The following RHOBTB2 variants were observed in gnomAD, a reference collection of about 807,000 sequenced individuals.
RHOBTB2 encodes Rho related BTB domain containing 2.
A neutral mutation model predicts 66.5 loss-of-function variants in RHOBTB2; 39 were observed. That is an observed-to-expected ratio of 0.59 (90% confidence interval 0.45 to 0.77). The LOEUF is 0.77. RHOBTB2 is among the 30% of genes least tolerant of loss of function. The pLI is 0.00. For missense variants in RHOBTB2, 755 were observed against 999.1 expected (o/e 0.76, Z 3.29); for synonymous variants, 390 against 395.0 (o/e 0.99, Z 0.15).
At chr8:22,998,524 A>G (rs1326732225), upstream of RHOBTB2, among the ~76,000 whole-genome samples, 2 of 152,170 alleles carry the variant, frequency 1.3e-5, no homozygotes, top group East Asian at 1.9e-4. Context: ...ACCCGAGGTC[A>G]GGAGTTCGAG....
Position 23,006,921 on chromosome 8 carries a change from C to A in RHOBTB2, c.676C>A (p.Arg226=). Residue 226 remains arginine, a synonymous_variant, in exon 5 of 10, where the codon CGG becomes AGG. Transcript: ENST00000251822. This position sits in a 1 kb window ranked among gnomAD's most constrained non-coding sequence, Gnocchi z 6.1. The part of the protein sequence containing the change: ...FWKSHLRNVQ[R]PLLQAPFLPP... ...GAAGTCCCACCTCCGCAATGTGCAG[C>A]GGCCTCTGCTGCAGGCACCCTTCCT... 6.2e-7 allele frequency: 1 copy of A among 1,613,738 alleles called. No individual in the cohort carries two copies. The highest frequency in any genetic ancestry group is 8.5e-7 in the Non-Finnish European group (1 of 1,179,998).
At chr8:22,955,564 CTT>C in the RHOBTB2 span, among the ~76,000 whole-genome samples, 299 of 103,932 alleles carry the variant, frequency 2.9e-3, no homozygotes, top group African/African-American at 6.7e-3. Context: ...TTCAATAAAT[CTT>C]TTTTTTTTTT....
the RHOBTB2 span, among the ~76,000 whole-genome samples, chr8:22,962,306 G>A: frequency 1.4e-5 from 2 of 145,780 alleles, no homozygotes; most frequent in East Asian, 4.1e-4. Flanking sequence ...TGTATACTAG[G>A]CCCAGGTGAT....
the RHOBTB2 span, among the ~76,000 whole-genome samples, chr8:22,974,376 C>T: frequency 6.6e-6 from 1 of 152,182 alleles, no homozygotes; most frequent in African/African-American, 2.4e-5. Flanking sequence ...CTATATTAAG[C>T]ACAGTCACAA....
intron 1 of RHOBTB2, among the ~76,000 whole-genome samples, chr8:23,002,751 T>C (rs528408927): frequency 2.8e-4 from 42 of 152,072 alleles, no homozygotes; most frequent in African/African-American, 8.9e-4. Flanking sequence ...AGAGAAGGGG[T>C]GGTACAGTTG....
the RHOBTB2 span, among the ~76,000 whole-genome samples, chr8:22,958,232 C>T: frequency 6.6e-6 from 1 of 152,070 alleles, no homozygotes; most frequent in Non-Finnish European, 1.5e-5. Context: ...CCAAATGCCT[C>T]GAAACAAGAC....
chr8:22,992,677 CATT>C (rs1810454048), intron 2 of RHOBTB2, among the ~76,000 whole-genome samples: 1 of 152,238 alleles, frequency 6.6e-6, no homozygotes, highest in Non-Finnish European at 1.5e-5. Context: ...GATCAACAAT[CATT>C]GATATATATC....
chr8:23,014,242 G>A (rs1811225104), intron 7 of RHOBTB2, among the ~76,000 whole-genome samples: 1 of 152,192 alleles, frequency 6.6e-6, no homozygotes, highest in Non-Finnish European at 1.5e-5. Context: ...TAAAATACAA[G>A]GTTAGTACAC....
At chr8:23,008,486 C>T (rs2128805346) in intron 6 of RHOBTB2, among the ~76,000 whole-genome samples, 1 of 152,302 alleles carries the variant, frequency 6.6e-6, no homozygotes, top group East Asian at 1.9e-4. Flanking sequence ...TTCCTTGGCT[C>T]TTTACTTTGT....
chr8:22,999,574 G>T lies in RHOBTB2; in HGVS notation c.-542G>T. On this transcript the variant is annotated 5_prime_UTR_variant, in exon 1 of 10. Transcript: ENST00000251822. ...GGGCCCGTCACGGCTGTCGTCTTGG[G>T]TGCGATTTTTTTCTCCTCCTTTTTT... 8.2e-7 allele frequency: 1 copy of T among 1,217,558 alleles called. No homozygotes were observed. The highest frequency in any genetic ancestry group is 1.0e-6 in the Non-Finnish European group (1 of 959,758). The allele number at this position is 1,217,558 out of a possible 1,614,324, so 75.4% of individuals were successfully genotyped here. A position where few individuals can be genotyped will look rare whatever the true frequency, so the allele number is the denominator to read the frequency against.
intron 6 of RHOBTB2, among the ~76,000 whole-genome samples, chr8:23,009,760 C>T (rs1406878773): frequency 6.6e-6 from 1 of 152,124 alleles, no homozygotes; most frequent in Non-Finnish European, 1.5e-5. Context: ...GGGAGTTGGT[C>T]TCTGAAGTGG....
intron 7 of RHOBTB2, 42 bp from the exon 8 acceptor site, chr8:23,014,648 T>G (rs1185652390): frequency 1.2e-5 from 18 of 1,534,154 alleles, no homozygotes; most frequent in Non-Finnish European, 1.6e-5. Flanking sequence ...TGAGCACAGG[T>G]CATGTGCTTC....
Position 23,004,686 on chromosome 8 carries a change from C to T in RHOBTB2, c.192+60C>T. ...GCCATGAGTCTGGGCTTGGGGGCTT[C>T]CTGAGGCATAGCTTGGTGTCTCCAG... On this transcript the variant is annotated intron_variant, in intron 2 of 9. Transcript: ENST00000251822. The surrounding 1 kb of genome is among the most constrained non-coding windows in gnomAD (Gnocchi z 6.4). 6.7e-7 allele frequency: 1 copy of T among 1,496,908 alleles called. No homozygotes were observed. Among genetic ancestry groups the T allele is most frequent in the South Asian group, 1.2e-5 (1 of 84,454 alleles). 92.7% of individuals were successfully genotyped at this position (1,496,908 alleles called of 1,614,324 possible). A position where few individuals can be genotyped will look rare whatever the true frequency, so the allele number is the denominator to read the frequency against.
At chr8:22,962,982 G>A in the RHOBTB2 span, among the ~76,000 whole-genome samples, 2 of 152,268 alleles carry the variant, frequency 1.3e-5, no homozygotes, top group Non-Finnish European at 1.5e-5. Flanking sequence ...GGCCACAGAA[G>A]TGCTGAATAG....
rs1338536843 is a variant in RHOBTB2 at position 22,999,662 on chromosome 8, G to A, written c.-454G>A. On this transcript the variant is annotated 5_prime_UTR_variant, in exon 1 of 10. Coordinates refer to ENST00000251822, the MANE Select transcript of RHOBTB2 (RefSeq NM_015178.3). ...ATCCTTTTTTTGTGAATGAAAAAAG[G>A]AGGTCGCGAGCGGTACCTGGGACTG... 12 of 1,247,848 alleles carry A rather than the reference G, an allele frequency of 9.6e-6. No homozygotes were observed. Among genetic ancestry groups the A allele is most frequent in the South Asian group, 2.6e-5 (2 of 77,604 alleles). 77.3% of individuals were successfully genotyped at this position (1,247,848 alleles called of 1,614,324 possible).
chr8:22,988,873 G>A (rs1810354029), intron 1 of RHOBTB2, among the ~76,000 whole-genome samples: 1 of 152,206 alleles, frequency 6.6e-6, no homozygotes, highest in African/African-American at 2.4e-5. Flanking sequence ...ACCGACACAG[G>A]TGGAGAAGGG....
At chr8:22,983,336 T>TTA (rs1810240301), upstream of RHOBTB2, among the ~76,000 whole-genome samples, 2 of 134,550 alleles carry the variant, frequency 1.5e-5, no homozygotes, top group Admixed American at 7.6e-5. Context: ...ACCATTTAGT[T>TTA]AAAAAAAAAA....
the RHOBTB2 span, among the ~76,000 whole-genome samples, chr8:22,967,503 T>C: frequency 1.5e-4 from 23 of 150,192 alleles, no homozygotes; most frequent in African/African-American, 5.4e-4. Flanking sequence ...CCCAGCTACT[T>C]TGGGAGGCTG....
upstream of RHOBTB2, chr8:22,994,636 GC>G (rs1563285121): frequency 6.4e-7 from 1 of 1,550,946 alleles, no homozygotes; most frequent in Non-Finnish European, 8.7e-7. Flanking sequence ...TCTTCAGACA[GC>G]ATGTGAGTAG....
Sources: gnomAD v4.1 joint callset for allele counts (sites outside exome capture counted in the v4.1 genomes callset) on GRCh38, gnomAD v4.1.1 for gene constraint, Gnocchi (gnomAD v3.1) non-coding constraint, MANE v1.5 for transcripts, NCBI Gene and HGNC (gene_info 2026-07-23, HGNC 2026-07-21) for gene names.